The following DENND1B variants were observed in gnomAD, a reference collection of about 807,000 sequenced individuals.
DENND1B encodes the protein DENN domain-containing protein 1B.
A neutral mutation model predicts 90.1 loss-of-function variants in DENND1B; 59 were observed. That is an observed-to-expected ratio of 0.65 (90% CI 0.53 to 0.81). The LOEUF (loss-of-function observed/expected upper bound fraction) is 0.81. Among genes scored for constraint, DENND1B ranks in the 40% least tolerant of loss-of-function variants. The probability of loss-of-function intolerance (pLI) is 0.00; values close to 1 mark genes in which losing one functional copy is unlikely to be tolerated. For synonymous variants in DENND1B, 337 were observed against 324.6 expected (o/e 1.04, Z -0.41); for missense variants, 862 against 912.6 (o/e 0.94, Z 0.71).
chr1:197,627,070 T>G (rs1678819887), intron 10 of DENND1B, among the ~76,000 whole-genome samples: 1 of 152,050 alleles, frequency 6.6e-6, no homozygotes, highest in Admixed American at 6.6e-5. Context: ...CAGGACCAGA[T>G]GGATTCACAG....
chr1:197,523,972 T>C (rs999327453), intron 20 of DENND1B, among the ~76,000 whole-genome samples: 4 of 151,242 alleles, frequency 2.6e-5, no homozygotes, highest in African/African-American at 7.3e-5. Flanking sequence ...AGTCAAGTGA[T>C]AAAAAAAACT....
chr1:197,615,584 A>AT (rs1197563647), intron 11 of DENND1B, among the ~76,000 whole-genome samples: 6 of 150,906 alleles, frequency 4.0e-5, no homozygotes, highest in Non-Finnish European at 1.5e-5. Context: ...ATGATCTGTA[A>AT]TTTTTTTCCC....
chr1:197,679,631 T>C (rs1656450960), intron 3 of DENND1B, among the ~76,000 whole-genome samples: 1 of 150,138 alleles, frequency 6.7e-6, no homozygotes, highest in Non-Finnish European at 1.5e-5. Context: ...TAAAAATATA[T>C]ATGTATCTAA....
intron 9 of DENND1B, among the ~76,000 whole-genome samples, chr1:197,643,518 C>T (rs1015163864): frequency 3.9e-5 from 6 of 152,054 alleles, no homozygotes; most frequent in Admixed American, 6.6e-5. Context: ...CTTCAGAAAC[C>T]GCTGCCCCAG....
At chr1:197,767,958 C>T (rs1655901650) in intron 2 of DENND1B, among the ~76,000 whole-genome samples, 1 of 152,178 alleles carries the variant, frequency 6.6e-6, no homozygotes, top group African/African-American at 2.4e-5. Context: ...TCTGGACAGA[C>T]TACCCTGCGC....
intron 10 of DENND1B, among the ~76,000 whole-genome samples, chr1:197,626,623 G>A (rs370236973): frequency 6.6e-6 from 1 of 151,732 alleles, no homozygotes; most frequent in East Asian, 1.9e-4. Flanking sequence ...AGAACTAGAA[G>A]AGCAAGAGCA....
intron 18 of DENND1B, among the ~76,000 whole-genome samples, chr1:197,543,499 C>A (rs1443424503): frequency 6.6e-6 from 1 of 152,056 alleles, no homozygotes; most frequent in Non-Finnish European, 1.5e-5. Context: ...GACTGTGAAA[C>A]CATTTTTAGA....
chr1:197,563,592 T>A (rs1424250260), intron 15 of DENND1B, among the ~76,000 whole-genome samples: 1 of 151,914 alleles, frequency 6.6e-6, no homozygotes, highest in Non-Finnish European at 1.5e-5. Context: ...GAAACTCTAA[T>A]GAGATATAAA....
chr1:197,545,030 GGA>G, intron 18 of DENND1B, among the ~76,000 whole-genome samples: 1 of 147,550 alleles, frequency 6.8e-6, no homozygotes. Flanking sequence ...GAAAGAAGGA[GGA>G]GAAGGAGAAG....
intron 3 of DENND1B, among the ~76,000 whole-genome samples, chr1:197,702,206 A>C (rs1195624500): frequency 6.6e-6 from 1 of 152,176 alleles, no homozygotes; most frequent in Non-Finnish European, 1.5e-5. Context: ...CTTTCAAAAT[A>C]ATTATTAGAG....
At chr1:197,618,061 G>A (rs1662054405) in intron 10 of DENND1B, among the ~76,000 whole-genome samples, 1 of 151,100 alleles carries the variant, frequency 6.6e-6, no homozygotes, top group African/African-American at 2.4e-5. Context: ...AATTAGGTGT[G>A]CATCTTAGAA....
At position 197,706,792 on chromosome 1, in the gene DENND1B, G is replaced by A. The variant is rs114278297; in HGVS notation, c.126+8239C>T. On this transcript the variant is annotated intron_variant, in intron 3 of 22. Transcript: ENST00000620048. ...AAAAACTAACAAATGCTGGCAAGGA[G>A]GCAGAGAAAGGGGAACTCCACACAC... Among the ~76,000 whole-genome samples the A allele has an allele frequency of 3.8e-3, 576 of 152,136 alleles. 7 individuals carry two copies. The highest frequency in any genetic ancestry group is 0.013 in the African/African-American group (553 of 41,514).
intron 14 of DENND1B, 151 bp downstream of exon 14, chr1:197,595,057 T>C: frequency 2.8e-6 from 3 of 1,063,482 alleles, no homozygotes; most frequent in Non-Finnish European, 2.6e-6. Context: ...GGAGATGAAA[T>C]GTATGTTTTG....
At chr1:197,516,203 G>C (rs7519686) in intron 20 of DENND1B, among the ~76,000 whole-genome samples, 144,905 of 151,884 alleles carry the variant, frequency 0.95, 69,494 homozygotes, top group East Asian at 1. Flanking sequence ...CTTTCCTTGG[G>C]TGTTGACCTT....
In DENND1B at chr1:197,704,843, GA is replaced by G. The variant is rs200997894; in HGVS notation, c.126+10187del. 5.2e-3 allele frequency among the ~76,000 whole-genome samples: 748 copies of G among 144,426 alleles called. 12 individuals carry two copies. The highest frequency in any genetic ancestry group is 0.017 in the African/African-American group (682 of 39,474). 94.7% of individuals were successfully genotyped at this position (144,426 alleles called of 152,430 possible). ...TAAGTTTGAGACAACATTCCAAGCAGAAAAAAAAAAATAAAGCTAAAAATTT... is the reference window on the plus strand; with the variant it reads ...TAAGTTTGAGACAACATTCCAAGCAGAAAAAAAAAATAAAGCTAAAAATTT... On this transcript the variant is annotated intron_variant, in intron 3 of 22. Coordinates refer to ENST00000620048, the MANE Select transcript of DENND1B (RefSeq NM_001195215.2).
rs900690838 is a variant in DENND1B, at chr1:197,577,193, A to G, written c.1149+5959T>C. Among the ~76,000 whole-genome samples the G allele has an allele frequency of 5.6e-4, 85 of 152,238 alleles. 1 individual carries two copies. The highest frequency in any genetic ancestry group is 5.9e-4 in the Admixed American group (9 of 15,280). Reference sequence around the variant, plus strand: ...ATTACAATAACATGGGATAAATTCTATAACTCAGACATGAACAGAGCTCTA... The same window carrying G: ...ATTACAATAACATGGGATAAATTCTGTAACTCAGACATGAACAGAGCTCTA... On this transcript the variant is annotated intron_variant, in intron 15 of 22. Coordinates refer to ENST00000620048, the MANE Select transcript of DENND1B (RefSeq NM_001195215.2).
chr1:197,656,319 T>C (rs755739705), intron 6 of DENND1B, among the ~76,000 whole-genome samples: 1 of 151,658 alleles, frequency 6.6e-6, no homozygotes, highest in South Asian at 2.1e-4. Context: ...GAAAAGACAA[T>C]GTCAGGAAAA....
At chr1:197,726,049 C>T (rs1661603440) in intron 2 of DENND1B, among the ~76,000 whole-genome samples, 1 of 151,866 alleles carries the variant, frequency 6.6e-6, no homozygotes, top group Non-Finnish European at 1.5e-5. Flanking sequence ...TATACACACA[C>T]ATACACATAT....
intron 3 of DENND1B, among the ~76,000 whole-genome samples, chr1:197,685,979 G>A (rs555506116): frequency 3.0e-4 from 46 of 152,220 alleles, no homozygotes; most frequent in African/African-American, 1.1e-3. Context: ...CATGTAGAAT[G>A]CTTTCTACGA....
Sources: gnomAD v4.1 joint callset for allele counts (sites outside exome capture counted in the v4.1 genomes callset) on GRCh38, gnomAD v4.1.1 for gene constraint, MANE v1.5 for transcripts, NCBI Gene and HGNC (gene_info 2026-07-23, HGNC 2026-07-21) for gene names.